The following TAFA2 variants were observed in gnomAD, a reference collection of about 807,000 sequenced individuals.
TAFA2 encodes the protein chemokine-like protein TAFA-2.
TAFA2 carries 7 observed loss-of-function variants against 18.8 expected under a neutral mutation model. That is an observed-to-expected ratio of 0.37 (90% confidence interval 0.21 to 0.70). The LOEUF (loss-of-function observed/expected upper bound fraction) is 0.70. Among genes scored for constraint, TAFA2 ranks in the 30% least tolerant of loss-of-function variants. The pLI, the probability that TAFA2 is intolerant of heterozygous loss-of-function variation, is 0.53. For missense variants in TAFA2, 122 were observed against 158.1 expected (o/e 0.77, Z 1.23); for synonymous variants, 60 against 54.2 (o/e 1.11, Z -0.47).
chr12:61,716,342 A>C (rs1869658104), intron 4 of TAFA2, among the ~76,000 whole-genome samples: 1 of 152,172 alleles, frequency 6.6e-6, no homozygotes, highest in Admixed American at 6.5e-5. Flanking sequence ...GGAAGTTGGC[A>C]CTTCAGTTTA....
At chr12:61,996,903 A>G (rs945222203) in intron 1 of TAFA2, among the ~76,000 whole-genome samples, 30 of 152,314 alleles carry the variant, frequency 2.0e-4, no homozygotes, top group Non-Finnish European at 4.0e-4. Context: ...AGATCAGATG[A>G]CCATAAATCC....
chr12:61,748,564 A>G (rs142404122), intron 4 of TAFA2, among the ~76,000 whole-genome samples: 137 of 152,204 alleles, frequency 9.0e-4, no homozygotes, highest in South Asian at 7.5e-3. Flanking sequence ...ATCATTTCCC[A>G]TGGGTCTGAA....
intron 2 of TAFA2, among the ~76,000 whole-genome samples, chr12:61,830,389 T>C (rs1218177344): frequency 1.3e-5 from 2 of 151,454 alleles, no homozygotes; most frequent in African/African-American, 4.8e-5. Flanking sequence ...ATATGTATGA[T>C]ACACACACAA....
chr12:61,728,324 T>C (rs954721317), intron 4 of TAFA2, among the ~76,000 whole-genome samples: 4 of 152,068 alleles, frequency 2.6e-5, no homozygotes, highest in African/African-American at 7.2e-5. Context: ...CAGTGGAGTA[T>C]TGAAGTCTTC....
At chr12:62,255,998 G>A (rs1421637451) in intron 1 of TAFA2, among the ~76,000 whole-genome samples, 5 of 151,524 alleles carry the variant, frequency 3.3e-5, no homozygotes, top group Non-Finnish European at 5.9e-5. Context: ...GGCCAGGCAC[G>A]TGGCTCATGC....
chr12:62,032,215 G>C (rs1350274103), intron 1 of TAFA2, among the ~76,000 whole-genome samples: 1 of 152,132 alleles, frequency 6.6e-6, no homozygotes, highest in Non-Finnish European at 1.5e-5. Flanking sequence ...TTAAAATATG[G>C]AGCAGGAGGA....
intron 1 of TAFA2, among the ~76,000 whole-genome samples, chr12:62,131,706 A>G (rs1565755068): frequency 1.3e-5 from 2 of 152,044 alleles, no homozygotes; most frequent in South Asian, 2.1e-4. Context: ...ATCTGTTTCC[A>G]CTATCTAAAA....
chr12:62,024,929 G>T (rs1462473832), intron 1 of TAFA2, among the ~76,000 whole-genome samples: 1 of 152,124 alleles, frequency 6.6e-6, no homozygotes, highest in Non-Finnish European at 1.5e-5. Flanking sequence ...ACACCAGTCA[G>T]AATGACTATT....
chr12:62,099,891 A>G (rs966965646), intron 1 of TAFA2, among the ~76,000 whole-genome samples: 2 of 152,198 alleles, frequency 1.3e-5, no homozygotes, highest in African/African-American at 2.4e-5. Flanking sequence ...ACTCTGAGTC[A>G]GAAAAATTTT....
intron 2 of TAFA2, among the ~76,000 whole-genome samples, chr12:61,799,969 C>T (rs1419957374): frequency 6.6e-6 from 1 of 152,110 alleles, no homozygotes; most frequent in Non-Finnish European, 1.5e-5. Context: ...AGTATTAATC[C>T]TCCCATTTCT....
rs151043684 is a variant in TAFA2 at position 62,065,899 on chromosome 12, C to T, written c.-2+125360G>A. Among the ~76,000 whole-genome samples the T allele has an allele frequency of 6.9e-3, 1,046 of 151,968 alleles. 9 individuals are homozygous for T. The highest frequency in any genetic ancestry group is 0.01 in the Non-Finnish European group (699 of 67,822). On this transcript the variant is annotated intron_variant, in intron 1 of 4. Coordinates refer to ENST00000416284, the MANE Select transcript of TAFA2 (RefSeq NM_178539.5). ...CACACCAACAGCCTCCAGAGCCATA[C>T]CACTTTATAAAAAAGCTGGTTACAA... is the stretch of plus-strand genomic sequence containing the variant.
At chr12:61,842,089 AT>A (rs990646495) in intron 2 of TAFA2, among the ~76,000 whole-genome samples, 24 of 150,416 alleles carry the variant, frequency 1.6e-4, no homozygotes, top group Non-Finnish European at 2.2e-4. Flanking sequence ...CCATAAGGAC[AT>A]TTTTTTTTCG....
chr12:62,002,328 C>A (rs980922206), intron 1 of TAFA2, among the ~76,000 whole-genome samples: 5 of 152,158 alleles, frequency 3.3e-5, no homozygotes, highest in South Asian at 4.1e-4. Flanking sequence ...AAATAGCCCC[C>A]ATGTAACCTC....
At chr12:62,222,208 C>CAT (rs1358007558) in intron 1 of TAFA2, among the ~76,000 whole-genome samples, 10 of 152,150 alleles carry the variant, frequency 6.6e-5, no homozygotes, top group South Asian at 6.2e-4. Context: ...CACACACACA[C>CAT]ACATCTGGAG....
intron 2 of TAFA2, among the ~76,000 whole-genome samples, chr12:61,817,747 A>G (rs1266455080): frequency 6.6e-6 from 1 of 152,228 alleles, no homozygotes; most frequent in Non-Finnish European, 1.5e-5. Flanking sequence ...AAAAAGCAAT[A>G]ACAGTGATAT....
intron 1 of TAFA2, among the ~76,000 whole-genome samples, chr12:62,087,894 T>C (rs1273473124): frequency 6.6e-6 from 1 of 152,090 alleles, no homozygotes; most frequent in Non-Finnish European, 1.5e-5. Context: ...GCATTCAACA[T>C]ATGTTTTGAA....
chr12:62,039,891 G>A (rs1288086609), intron 1 of TAFA2, among the ~76,000 whole-genome samples: 5 of 152,128 alleles, frequency 3.3e-5, no homozygotes, highest in Admixed American at 6.5e-5. Context: ...TGAGGCCCAA[G>A]CATTTGCATA....
chr12:62,202,987 CA>C (rs2062678216), intron 1 of TAFA2, among the ~76,000 whole-genome samples: 1 of 151,988 alleles, frequency 6.6e-6, no homozygotes, highest in African/African-American at 2.4e-5. Flanking sequence ...CCAACATGCC[CA>C]GCTAATTTTT....
intron 1 of TAFA2, among the ~76,000 whole-genome samples, chr12:62,063,855 GACACACACAC>G (rs3031045): frequency 6.8e-6 from 1 of 147,918 alleles, no homozygotes; most frequent in African/African-American, 2.5e-5. Flanking sequence ...AGGGTGGCTG[GACACACACAC>G]ACACACACAC....
Sources: gnomAD v4.1 joint callset for allele counts (sites outside exome capture counted in the v4.1 genomes callset) on GRCh38, gnomAD v4.1.1 for gene constraint, MANE v1.5 for transcripts, NCBI Gene and HGNC (gene_info 2026-07-23, HGNC 2026-07-21) for gene names.